The following PTPN7 variants were observed in gnomAD, a reference collection of about 807,000 sequenced individuals.
The protein encoded by PTPN7 is protein tyrosine phosphatase non-receptor type 7.
PTPN7 carries 33 observed loss-of-function variants against 50.3 expected under a neutral mutation model. The ratio of observed to expected loss-of-function variants is 0.66; its 90% CI spans 0.50 to 0.88. PTPN7 has a LOEUF of 0.88. PTPN7 is among the 40% of genes least tolerant of loss of function. The pLI is 0.00. For missense variants in PTPN7, 412 were observed against 475.4 expected (o/e 0.87, Z 1.24); for synonymous variants, 185 against 186.6 (o/e 0.99, Z 0.07).
chr1:202,158,153 G>A lies in PTPN7; in HGVS notation c.271C>T (p.Pro91Ser). The A allele has an allele frequency of 2.5e-6, 4 of 1,606,500 alleles. No homozygotes were observed. The highest frequency in any genetic ancestry group is 1.1e-5 in the South Asian group (1 of 89,878). The change falls in exon 3 of 10, where the codon CCA (proline) becomes TCA (serine). Residue 91 changes from proline (P) to serine (S), a missense_variant. Coordinates refer to ENST00000691036, the MANE Select transcript of PTPN7 (RefSeq NM_002832.4). Reference protein sequence around the residue: ...PLTRWALQRQPPSPKQLEEEF... With the variant: ...PLTRWALQRQSPSPKQLEEEF... ...TCTTCCAGTTGCTTGGGGCTGGGTGGCTGGCGCTGAAGGGCCCAGCGGGTA... is the reference window on the plus strand; with the variant it reads ...TCTTCCAGTTGCTTGGGGCTGGGTGACTGGCGCTGAAGGGCCCAGCGGGTA...
intron 4 of PTPN7, among the ~76,000 whole-genome samples, 170 bp downstream of exon 4, chr1:202,157,569 T>C (rs1656815126): frequency 1.3e-5 from 2 of 151,888 alleles, no homozygotes; most frequent in Non-Finnish European, 2.9e-5. Context: ...CTGCAAACAT[T>C]ATTATTGCTG....
At chr1:202,153,500 C>T (rs1656277845) in intron 7 of PTPN7, among the ~76,000 whole-genome samples, 1 of 152,212 alleles carries the variant, frequency 6.6e-6, no homozygotes, top group Admixed American at 6.5e-5. Flanking sequence ...TGACCATTTA[C>T]ACAGATGGGT....
chr1:202,160,624 T>C, upstream of PTPN7: 1 of 1,550,490 alleles, frequency 6.4e-7, no homozygotes, highest in Non-Finnish European at 8.7e-7. The surrounding 1 kb of genome is among the most constrained non-coding windows in gnomAD (Gnocchi z 4.8). Flanking sequence ...CTGAGAAGGC[T>C]CCAGGAAGCC....
At chr1:202,161,435 C>G (rs1467470152), upstream of PTPN7, 2 of 1,289,518 alleles carry the variant, frequency 1.6e-6, no homozygotes, top group Non-Finnish European at 2.0e-6. Context: ...CCCATGTCCT[C>G]TTCGCTGCTG....
intron 4 of PTPN7, among the ~76,000 whole-genome samples, chr1:202,155,986 C>T (rs538749788): frequency 6.6e-6 from 1 of 152,280 alleles, no homozygotes; most frequent in African/African-American, 2.4e-5. Context: ...GTTGCCCAAG[C>T]TGGTCTTGAA....
At chr1:202,150,491 A>T in intron 8 of PTPN7, 67 bp from the exon 9 acceptor site, 1 of 1,270,018 alleles carries the variant, frequency 7.9e-7, no homozygotes, top group Non-Finnish European at 1.1e-6. Context: ...CCAGGCCCCA[A>T]ACTATGGAGA....
In PTPN7 at chr1:202,152,690, C is replaced by T. The variant is rs1426185815; in HGVS notation, c.727G>A (p.Glu243Lys). 2 of 1,613,952 alleles carry T rather than the reference C, an allele frequency of 1.2e-6. No individual in the cohort carries two copies. The highest frequency in any genetic ancestry group is 1.3e-5 in the African/African-American group (1 of 74,926). The change falls in exon 8 of 10, where the codon GAG becomes AAG. Residue 243 changes from glutamate (E) to lysine (K), a missense_variant. Physicochemically the swap from Glu to Lys is moderately conservative, Grantham distance 56 (BLOSUM62 1). Coordinates refer to ENST00000691036, the MANE Select transcript of PTPN7 (RefSeq NM_002832.4). Reference protein sequence around the residue: ...VRQLTIQYQEERRSVKHILFS... With the variant: ...VRQLTIQYQEKRRSVKHILFS... The stretch of plus-strand genomic sequence containing the variant: ...AGGATGTGCTTTACTGACCGGCGCT[C>T]TTCCTGGTACTGGATTGGAGACAAG...
chr1:202,158,852 G>A (rs2147852843), intron 2 of PTPN7: 1 of 169,126 alleles, frequency 5.9e-6, no homozygotes, highest in Non-Finnish European at 1.2e-5. Context: ...TCTAATTCCT[G>A]GACTCAGGAG....
At position 202,158,285 on chromosome 1, in the gene PTPN7, C is replaced by T; in HGVS notation, c.139G>A (p.Ala47Thr). 5 of 1,614,096 alleles carry T rather than the reference C, an allele frequency of 3.1e-6. No homozygotes were observed. The highest frequency in any genetic ancestry group is 3.4e-6 in the Non-Finnish European group (4 of 1,180,000). The change falls in exon 3 of 10, where the codon GCT becomes ACT. Residue 47 changes from alanine (A) to threonine (T), a missense_variant. Coordinates refer to ENST00000691036, the MANE Select transcript of PTPN7 (RefSeq NM_002832.4). ...AGGGACCGAACGTCCAGCATCAGAG[C>T]CACATTGGAGCCCCGCCTGCAGGCA... ...RLQERRGSNV[A>T]LMLDVRSLGA...
intron 2 of PTPN7, 188 bp from the exon 3 acceptor site, chr1:202,158,489 TA>T: frequency 1.7e-6 from 1 of 574,846 alleles, no homozygotes; most frequent in South Asian, 2.3e-5. Context: ...GCCTCCAGAG[TA>T]ACTGGGACCA....
chr1:202,158,329 T>G, intron 2 of PTPN7, 28 bp from the exon 3 acceptor site: 1 of 1,605,750 alleles, frequency 6.2e-7, no homozygotes, highest in Non-Finnish European at 8.5e-7. Context: ...CACTGCCTAG[T>G]GAGCACCCAA....
chr1:202,153,835 T>G lies in PTPN7; in HGVS notation c.607A>C (p.Lys203Gln). Reference protein sequence around the residue: ...MLTQLREGKEKCVHYWPTEEE... With the variant: ...MLTQLREGKEQCVHYWPTEEE... ...TCTGTGGGCCAGTAGTGGACACATT[T>G]CTAGGAGGGAGGGAGCTGGGAGTCA... Residue 203 changes from lysine (K) to glutamine (Q), a missense_variant and splice_region_variant, in exon 7 of 10, where the codon AAA becomes CAA. Transcript: ENST00000691036. The G allele has an allele frequency of 1.2e-6, 2 of 1,612,038 alleles. No homozygotes were observed. Among genetic ancestry groups the G allele is most frequent in the South Asian group, 2.2e-5 (2 of 91,054 alleles).
Position 202,159,337 on chromosome 1 carries a change from C to A in PTPN7, c.66G>T (p.Met22Ile). 6.2e-7 allele frequency: 1 copy of A among 1,614,220 alleles called. No individual in the cohort carries two copies. Among genetic ancestry groups the A allele is most frequent in the South Asian group, 1.1e-5 (1 of 91,090 alleles). Residue 22 changes from methionine to isoleucine, a missense_variant, in exon 2 of 10, where the codon ATG becomes ATT. Met to Ile is a conservative substitution (Grantham distance 10). Coordinates refer to ENST00000691036, the MANE Select transcript of PTPN7 (RefSeq NM_002832.4). The surrounding 1 kb of genome is among the most constrained non-coding windows in gnomAD (Gnocchi z 4.6). ...QPLTLSLGAAMTQPPPEKTPA... is the reference protein window; with the variant it reads ...QPLTLSLGAAITQPPPEKTPA... ...GCGTTTTTTCAGGCGGAGGCTGGGT[C>A]ATGGCTGCCCCCAAAGACAAGGTCA...
intron 8 of PTPN7, 29 bp from the exon 9 acceptor site, chr1:202,150,453 G>A: frequency 1.9e-6 from 3 of 1,550,160 alleles, no homozygotes; most frequent in Non-Finnish European, 2.6e-6. Context: ...GGGACAGGGA[G>A]GTCATGGGAG....
At chr1:202,157,940 T>A in intron 3 of PTPN7, 117 bp from the exon 4 acceptor site, 3 of 1,275,130 alleles carry the variant, frequency 2.4e-6, no homozygotes, top group Non-Finnish European at 2.2e-6. Context: ...TATGTAGGCC[T>A]AGATGGGGTG....
At chr1:202,152,088 T>C (rs962835739) in intron 8 of PTPN7, among the ~76,000 whole-genome samples, 1 of 152,088 alleles carries the variant, frequency 6.6e-6, no homozygotes, top group African/African-American at 2.4e-5. Context: ...TTTTGTATTT[T>C]TTAGTAGAGA....
At position 202,148,694 on chromosome 1, in the gene PTPN7, C is replaced by A; in HGVS notation, c.995G>T (p.Gly332Val). The A allele has an allele frequency of 6.2e-7, 1 of 1,613,572 alleles. No individual in the cohort carries two copies. The highest frequency in any genetic ancestry group is 1.1e-5 in the South Asian group (1 of 90,980). The change falls in exon 10 of 10, where the codon GGG (glycine) becomes GTG (valine). Residue 332 changes from glycine (G) to valine (V), a missense_variant. By Grantham distance (109) the Gly-to-Val change is moderately radical. Coordinates refer to ENST00000691036, the MANE Select transcript of PTPN7 (RefSeq NM_002832.4). ...IVCQLRLDRG[G>V]MIQTAEQYQF... ...GTACTGCTCTGCCGTCTGGATCATC[C>A]CCCCTCTGCAAGGAGAAACACACAG... is the stretch of plus-strand genomic sequence containing the variant.
chr1:202,156,559 T>C lies in PTPN7; in HGVS notation c.392-950A>G, dbSNP rs577846570. On this transcript the variant is annotated intron_variant, in intron 4 of 9. Coordinates refer to ENST00000691036, the MANE Select transcript of PTPN7 (RefSeq NM_002832.4). ...GGAGAAGAGACTCTCGCTCTGCTCA[T>C]GCCAGCCTGGTCATGGACAGAAGGT... Among the ~76,000 whole-genome samples, 42 of 152,348 alleles carry C rather than the reference T, an allele frequency of 2.8e-4. No individual in the cohort carries two copies. The South Asian group carries it at 8.7e-3, about 32-fold the overall frequency.
At chr1:202,156,698 A>G (rs912371748) in intron 4 of PTPN7, among the ~76,000 whole-genome samples, 1 of 152,212 alleles carries the variant, frequency 6.6e-6, no homozygotes, top group Non-Finnish European at 1.5e-5. Flanking sequence ...GGCCTGGAAT[A>G]GCGCTAATAG....
Sources: allele counts gnomAD v4.1 joint callset (sites outside exome capture counted in the v4.1 genomes callset), GRCh38; gene constraint gnomAD v4.1.1; non-coding constraint Gnocchi (gnomAD v3.1); transcripts MANE v1.5; gene names NCBI Gene and HGNC (gene_info 2026-07-23, HGNC 2026-07-21).